Variants in IL17REL observed in about 807,000 individuals in gnomAD.
IL17REL encodes the protein interleukin-17 receptor E-like protein.
IL17REL carries 36 observed loss-of-function variants against 49.0 expected under a neutral mutation model. The ratio of observed to expected loss-of-function variants is 0.73; its 90% CI spans 0.56 to 0.97. The LOEUF (loss-of-function observed/expected upper bound fraction) is 0.97. Ranked by LOEUF, IL17REL falls within the 50% of genes least tolerant of loss-of-function variation. IL17REL has a pLI of 0.00. For synonymous variants in IL17REL, 206 were observed against 192.4 expected, an observed-to-expected ratio of 1.07 and a Z score of -0.58; for missense variants, 470 against 453.9, an observed-to-expected ratio of 1.04 and a Z score of -0.32.
intron 1 of IL17REL, among the ~76,000 whole-genome samples, chr22:50,003,627 A>G (rs1416763578): frequency 2.0e-5 from 3 of 151,904 alleles, no homozygotes; most frequent in African/African-American, 4.8e-5. Flanking sequence ...ACCACTTATC[A>G]TCTCAATAGT....
At chr22:49,993,213 C>T (rs1451300944), downstream of IL17REL, among the ~76,000 whole-genome samples, 1 of 152,218 alleles carries the variant, frequency 6.6e-6, no homozygotes, top group African/African-American at 2.4e-5. This position sits in a 1 kb window ranked among gnomAD's most constrained non-coding sequence, Gnocchi z 6.0. Flanking sequence ...GGTCGGGGCC[C>T]AGGGCCCAAG....
chr22:49,999,683 GT>G, intron 5 of IL17REL, 144 bp downstream of exon 7: 1 of 360,700 alleles, frequency 2.8e-6, no homozygotes. Context: ...GGGCGCGGAG[GT>G]GGGTGGGGCC....
At chr22:49,996,679 G>T (rs991850519) in exon 13 of IL17REL, 3 of 267,016 alleles carry the variant, frequency 1.1e-5, no homozygotes, top group Admixed American at 1.0e-4. Context: ...CCTGACTCAG[G>T]GCCGGATGGT....
upstream of IL17REL, among the ~76,000 whole-genome samples, chr22:50,012,379 G>A (rs1375069512): frequency 1.3e-5 from 2 of 152,190 alleles, no homozygotes; most frequent in African/African-American, 4.8e-5. Context: ...GGCAGGGTCA[G>A]GCCAGGTCTC....
chr22:49,999,252 T>A, intron 7 of IL17REL, 39 bp downstream of exon 9: 1 of 1,611,340 alleles, frequency 6.2e-7, no homozygotes. Context: ...GCCGCAGCCA[T>A]TCCCACCCTT....
chr22:50,003,174 A>G (rs2061088336), intron 1 of IL17REL, among the ~76,000 whole-genome samples: 1 of 152,228 alleles, frequency 6.6e-6, no homozygotes, highest in Non-Finnish European at 1.5e-5. Context: ...TGGAGTATTC[A>G]TGAACACAGG....
intron 1 of IL17REL, among the ~76,000 whole-genome samples, chr22:50,004,970 T>TAAAAAAAAAAAA (rs11455056): frequency 1.9e-5 from 1 of 51,970 alleles, no homozygotes; most frequent in Non-Finnish European, 4.4e-5. Context: ...AACCAGAAAG[T>TAAAAAAAAAAAA]AAAAAAAAAA....
At chr22:49,998,989 G>A (rs185807812) in intron 7 of IL17REL, among the ~76,000 whole-genome samples, 122 of 152,206 alleles carry the variant, frequency 8.0e-4, no homozygotes, top group Admixed American at 3.9e-3. Context: ...GTGCAGCGTC[G>A]CTGAGCAGAA....
At chr22:50,002,427 T>C (rs2061084588) in intron 1 of IL17REL, among the ~76,000 whole-genome samples, 1 of 151,796 alleles carries the variant, frequency 6.6e-6, no homozygotes, top group Non-Finnish European at 1.5e-5. Context: ...ACTCTGTGCC[T>C]CAAAGGGGCA....
At chr22:50,005,443 G>A (rs778911508) in intron 1 of IL17REL, among the ~76,000 whole-genome samples, 2 of 152,134 alleles carry the variant, frequency 1.3e-5, no homozygotes, top group South Asian at 2.1e-4. Flanking sequence ...GGGAAAACAC[G>A]ATGGGGAATT....
downstream of IL17REL, among the ~76,000 whole-genome samples, chr22:49,992,863 C>T (rs1348495945): frequency 2.6e-5 from 4 of 152,006 alleles, no homozygotes; most frequent in African/African-American, 9.7e-5. Flanking sequence ...GTAATCCACC[C>T]GCCTTGGTCT....
At chr22:49,997,218 G>A (rs948447396) in intron 11 of IL17REL, 102 bp downstream of exon 13, 11 of 1,421,968 alleles carry the variant, frequency 7.7e-6, no homozygotes, top group Admixed American at 4.0e-5. Context: ...CCCTGGGTGG[G>A]CTCAGGGCCC....
chr22:50,012,706 G>C (rs1348009090), upstream of IL17REL: 3 of 152,302 alleles, frequency 2.0e-5, no homozygotes, highest in Non-Finnish European at 2.9e-5. Context: ...CAAGTTTGCA[G>C]GATGCCCTGT....
upstream of IL17REL, among the ~76,000 whole-genome samples, chr22:50,009,897 C>T (rs546541341): frequency 1.2e-3 from 184 of 151,618 alleles, no homozygotes; most frequent in African/African-American, 4.3e-3. Flanking sequence ...ACATGGGTGG[C>T]GGCAGTCAGT....
exon 11 of IL17REL, chr22:49,997,409 G>C (rs565042430): frequency 6.2e-7 from 1 of 1,613,628 alleles, no homozygotes; most frequent in Non-Finnish European, 8.5e-7. Flanking sequence ...ACCTGGAAGT[G>C]GGCGGGGCTG....
In IL17REL at chr22:49,998,085, G is replaced by A; in HGVS notation, c.775-16C>T. On this transcript the variant is annotated splice_polypyrimidine_tract_variant and intron_variant, in intron 8 of 12. Transcript: ENST00000341280. ...GGTACTGCACCTGAGGAGGGCTGGG[G>A]TCAGGCTGTGGCATCCATGCCCACC... The A allele has an allele frequency of 6.3e-7, 1 of 1,593,634 alleles. No individual in the cohort carries two copies. The highest frequency in any genetic ancestry group is 8.5e-7 in the Non-Finnish European group (1 of 1,171,618).
At chr22:49,999,238 A>T (rs1201431249) in intron 7 of IL17REL, 53 bp downstream of exon 9, 1 of 1,601,250 alleles carries the variant, frequency 6.2e-7, no homozygotes, top group Admixed American at 1.7e-5. Flanking sequence ...GTGGAGTCAG[A>T]CTGGCCGCAG....
chr22:50,003,718 C>T (rs755222092), intron 1 of IL17REL, among the ~76,000 whole-genome samples: 1 of 152,050 alleles, frequency 6.6e-6, no homozygotes, highest in East Asian at 1.9e-4. Context: ...AATGAAATTT[C>T]CTCAAATTGA....
At chr22:49,997,514 C>A in intron 10 of IL17REL, 31 bp from the exon 13 acceptor site, 7 of 1,367,694 alleles carry the variant, frequency 5.1e-6, no homozygotes, top group African/African-American at 1.4e-5. Context: ...GACCCCCATC[C>A]GGCCCAGCAC....
Sources: allele counts gnomAD v4.1 joint callset (sites outside exome capture counted in the v4.1 genomes callset), GRCh38; gene constraint gnomAD v4.1.1; non-coding constraint Gnocchi (gnomAD v3.1); transcripts MANE v1.5; gene names NCBI Gene and HGNC (gene_info 2026-07-23, HGNC 2026-07-21).